The following FLNA variants were observed in gnomAD, a reference collection of about 807,000 sequenced individuals.
FLNA encodes filamin-A.
FLNA carries 7 observed loss-of-function variants against 157.6 expected under a neutral mutation model. The ratio of observed to expected loss-of-function variants is 0.04; its 90% CI spans 0.03 to 0.08. The LOEUF (loss-of-function observed/expected upper bound fraction) is 0.08. Ranked by LOEUF, FLNA falls within the 10% of genes least tolerant of loss-of-function variation. The probability of loss-of-function intolerance (pLI) is 1.00; values close to 1 mark genes in which losing one functional copy is unlikely to be tolerated. For missense variants in FLNA, 1,750 were observed against 2,398.4 expected, an observed-to-expected ratio of 0.73 and a Z score of 5.65; for synonymous variants, 1,103 against 1,060.8, an observed-to-expected ratio of 1.04 and a Z score of -0.77.
intron 15 of FLNA, among the ~76,000 whole-genome samples, 153 bp downstream of exon 15, chrX:154,363,869 T>C (rs1289307167): frequency 8.9e-6 from 1 of 112,150 alleles, no homozygotes; most frequent in African/African-American, 3.2e-5. Flanking sequence ...ATGTCCAGGA[T>C]AGGCAAAGCC....
At position 154,349,021 on chromosome X, in the gene FLNA, A is replaced by G. The variant is rs1557175198; in HGVS notation, c.7772T>C (p.Leu2591Pro). ...GGTCCTTGGGCCATGAACCCCCACC[A>G]GCAGCATGTTGTTGCCTGAGGCAAG... The part of the protein sequence containing the change: ...DCSKAGNNML[L>P]VGVHGPRTPC... The change falls in exon 48 of 48, where the codon CTG (leucine) becomes CCG (proline). Residue 2591 changes from leucine (L) to proline (P), a missense_variant. Transcript: ENST00000369850. 8.3e-7 allele frequency: 1 copy of G among 1,209,923 alleles called. No homozygotes were observed. The highest frequency in any genetic ancestry group is 2.2e-5 in the Admixed American group (1 of 45,973).
rs968613732 is a variant in FLNA, at chrX:154,360,546, G to A, written c.3249C>T (p.Gly1083=). 8.3e-7 allele frequency: 1 copy of A among 1,209,382 alleles called. No individual in the cohort carries two copies. The highest frequency in any genetic ancestry group is 1.1e-6 in the Non-Finnish European group (1 of 895,245). Residue 1083 remains glycine, a synonymous_variant, in exon 22 of 48, where the codon GGC becomes GGT. Coordinates refer to ENST00000369850, the MANE Select transcript of FLNA (RefSeq NM_001110556.2). The part of the protein sequence containing the change: ...FGPGLQGGSA[G]SPARFTIDTK... The stretch of plus-strand genomic sequence containing the variant: ...TGTCGATGGTGAAGCGGGCGGGGGA[G>A]CCCGCACTGCCTCCCTGCAGCCCCG...
intron 28 of FLNA, among the ~76,000 whole-genome samples, chrX:154,357,834 G>A (rs781915797): frequency 1.1e-4 from 12 of 112,824 alleles, no homozygotes; most frequent in South Asian, 7.2e-4. Context: ...GACAACAGGC[G>A]CGGCCAGCCA....
In FLNA at chrX:154,367,460, G is replaced by A; in HGVS notation, c.805C>T (p.Leu269=). The A allele has an allele frequency of 8.3e-7, 1 of 1,211,797 alleles. No individual in the cohort carries two copies. The highest frequency in any genetic ancestry group is 1.1e-6 in the Non-Finnish European group (1 of 895,442). Reference sequence around the variant, plus strand: ...GGCCGCAAGGGAGCCCCTGGCTTCAGCTTGGCCTTGGGGAACTGGGACAGG... The same window carrying A: ...GGCCGCAAGGGAGCCCCTGGCTTCAACTTGGCCTTGGGGAACTGGGACAGG... ...TYLSQFPKAK[L]KPGAPLRPKL... is the part of the protein sequence containing the mutation. Residue 269 remains leucine (L), a synonymous_variant, in exon 5 of 48, where the codon CTG becomes TTG. Coordinates refer to ENST00000369850, the MANE Select transcript of FLNA (RefSeq NM_001110556.2).
In FLNA at chrX:154,352,167, G is replaced by C; in HGVS notation, c.6769+14C>G. 1 of 1,210,201 alleles carries C rather than the reference G, an allele frequency of 8.3e-7. No homozygotes were observed. Among genetic ancestry groups the C allele is most frequent in the Non-Finnish European group, 1.1e-6 (1 of 895,050 alleles). Reference sequence around the variant, plus strand: ...ACGCAGGAGAGCGAGCACTCGGGGTGTGAGCAGGCCTACCTGGCACTCCAG... The same window carrying C: ...ACGCAGGAGAGCGAGCACTCGGGGTCTGAGCAGGCCTACCTGGCACTCCAG... On this transcript the variant is annotated intron_variant, in intron 41 of 47. Transcript: ENST00000369850.
intron 30 of FLNA, 115 bp from the exon 31 acceptor site, chrX:154,355,187 A>G (rs1161804993): frequency 6.4e-6 from 5 of 786,165 alleles, no homozygotes; most frequent in Non-Finnish European, 9.0e-6. Context: ...AAGCACAGCC[A>G]GGCCGCCAGG....
intron 44 of FLNA, chrX:154,350,412 T>C (rs2067610169): frequency 9.0e-6 from 4 of 443,243 alleles, no homozygotes; most frequent in Non-Finnish European, 1.6e-5. Flanking sequence ...TCAGGGTGCA[T>C]TGGGACGGAA....
intron 26 of FLNA, 182 bp from the exon 27 acceptor site, chrX:154,358,750 G>C: frequency 1.6e-6 from 1 of 627,587 alleles, no homozygotes; most frequent in Non-Finnish European, 2.5e-6. Context: ...TGCCAGCTGG[G>C]ACCCTTGCCT....
Position 154,353,627 on chromosome X carries a change from C to T in FLNA, c.5787G>A (p.Pro1929=), listed in dbSNP as rs376974488. The T allele has an allele frequency of 4.7e-5, 57 of 1,210,534 alleles. No individual in the cohort carries two copies. The highest frequency in any genetic ancestry group is 3.3e-4 in the African/African-American group (19 of 57,514). The part of the protein sequence containing the change: ...TCSVSYLPVL[P]GDYSILVKYN... ...ACTTGACTAGAATGCTGTAGTCCCC[C>T]GGCAGCACAGGCAGGTAGGACACGC... Residue 1929 remains proline (P), a synonymous_variant, in exon 36 of 48, where the codon CCG becomes CCA. Transcript: ENST00000369850.
chrX:154,353,766 G>A, intron 35 of FLNA, 39 bp from the exon 36 acceptor site: 2 of 1,197,708 alleles, frequency 1.7e-6, no homozygotes, highest in East Asian at 6.0e-5. Context: ...ACTATGCTGG[G>A]GACACTCCAG....
At chrX:154,351,830 C>A in intron 42 of FLNA, 54 bp downstream of exon 42, 1 of 1,198,060 alleles carries the variant, frequency 8.3e-7, no homozygotes, top group African/African-American at 1.7e-5. Context: ...AGCCCTGGGT[C>A]CAATACCCAC....
chrX:154,360,617 C>T (rs1557177819), intron 21 of FLNA, 30 bp from the exon 22 acceptor site: 15 of 1,132,527 alleles, frequency 1.3e-5, no homozygotes, highest in Admixed American at 2.2e-5. Flanking sequence ...GGAGCCAAGG[C>T]CACACTATGC....
At chrX:154,368,209 C>G in intron 2 of FLNA, 119 bp from the exon 3 acceptor site, 1 of 1,010,711 alleles carries the variant, frequency 9.9e-7, no homozygotes, top group Non-Finnish European at 1.4e-6. Context: ...GGTAGACACC[C>G]CCTCTTGGCC....
At chrX:154,369,831 A>G (rs1472528895) in intron 2 of FLNA, among the ~76,000 whole-genome samples, 2 of 112,122 alleles carry the variant, frequency 1.8e-5, no homozygotes, top group Non-Finnish European at 3.8e-5. Context: ...GGTTCTTGGG[A>G]TCTGCCCTCT....
Position 154,349,468 on chromosome X carries a change from C to T in FLNA, c.7650G>A (p.Pro2550=), listed in dbSNP as rs781905890. The part of the protein sequence containing the change: ...KATCAPQHGA[P]GPGPADASKV... ...TGCTGGCGTCAGCAGGCCCAGGACC[C>T]GGGGCCCCATGCTGGGGGGCACAGG... Residue 2550 remains proline (P), a synonymous_variant, in exon 47 of 48, where the codon CCG becomes CCA. Coordinates refer to ENST00000369850, the MANE Select transcript of FLNA (RefSeq NM_001110556.2). 18 of 1,211,383 alleles carry T rather than the reference C, an allele frequency of 1.5e-5. No homozygotes were observed. Among genetic ancestry groups the T allele is most frequent in the South Asian group, 3.5e-5 (2 of 57,010 alleles).
chrX:154,353,060 C>G lies in FLNA; in HGVS notation c.6167G>C (p.Gly2056Ala). The G allele has an allele frequency of 8.3e-7, 1 of 1,211,752 alleles. No homozygotes were observed. Among genetic ancestry groups the G allele is most frequent in the Non-Finnish European group, 1.1e-6 (1 of 895,520 alleles). Residue 2056 changes from glycine (G) to alanine (A), a missense_variant, in exon 38 of 48, where the codon GGC becomes GCC. This residue lies in a region of FLNA where 970 missense variants were observed against 1,302.6 expected (regional missense o/e 0.74). Coordinates refer to ENST00000369850, the MANE Select transcript of FLNA (RefSeq NM_001110556.2). ...DASRVRVSGQ[G>A]LHEGHTFEPA... Reference sequence around the variant, plus strand: ...CTCAAAGGTGTGGCCTTCGTGAAGGCCCTGACCAGAGACCCGAACACGACT... The same window carrying G: ...CTCAAAGGTGTGGCCTTCGTGAAGGGCCTGACCAGAGACCCGAACACGACT...
Position 154,371,268 on chromosome X carries a change from G to A in FLNA, c.-23C>T. The stretch of plus-strand genomic sequence containing the variant: ...CATTTTGAGGCGCGAGAAGCCGGGG[G>A]GGCGGTGCTGCAGCCTCGGCGAGGG... On this transcript the variant is annotated 5_prime_UTR_variant, in exon 2 of 48. Transcript: ENST00000369850. 8.4e-7 allele frequency: 1 copy of A among 1,197,111 alleles called. No homozygotes were observed. Among genetic ancestry groups the A allele is most frequent in the Non-Finnish European group, 1.1e-6 (1 of 891,250 alleles).
In FLNA at chrX:154,354,778, G is replaced by A. The variant is rs781822358; in HGVS notation, c.5217+47C>T. On this transcript the variant is annotated intron_variant, in intron 31 of 47. Coordinates refer to ENST00000369850, the MANE Select transcript of FLNA (RefSeq NM_001110556.2). ...CAGAGGGGCCCCAGGGGAACAGGCC[G>A]GGACCTGCCAGACACCCCTGCTGAC... 1.5e-5 allele frequency: 18 copies of A among 1,209,476 alleles called. No homozygotes were observed. The East Asian group carries it at 2.7e-4, about 18-fold the overall frequency.
Position 154,348,743 on chromosome X carries a change from C to T in FLNA, c.*106G>A, listed in dbSNP as rs888114771. ...CACAGGGCAGGGGCGGCTGCAGTGACAGGCGGGCGGCCAGGGCGGCCTGGG... is the reference window on the plus strand; with the variant it reads ...CACAGGGCAGGGGCGGCTGCAGTGATAGGCGGGCGGCCAGGGCGGCCTGGG... On this transcript the variant is annotated 3_prime_UTR_variant, in exon 48 of 48. Transcript: ENST00000369850. 29 of 738,003 alleles carry T rather than the reference C, an allele frequency of 3.9e-5. 1 individual carries two copies. The highest frequency in any genetic ancestry group is 2.5e-4 in the Admixed American group (7 of 28,136). The allele number at this position is 738,003 out of a possible 1,213,427, so 60.8% of individuals were successfully genotyped here.
Sources: allele counts gnomAD v4.1 joint callset (sites outside exome capture counted in the v4.1 genomes callset), GRCh38; gene constraint gnomAD v4.1.1; regional missense constraint gnomAD v4.1.1; transcripts MANE v1.5; gene names NCBI Gene and HGNC (gene_info 2026-07-23, HGNC 2026-07-21).